FGFBP3: variants seen among roughly 807,000 people sequenced by gnomAD.
FGFBP3 encodes fibroblast growth factor binding protein 3.
Under a neutral mutation model 4.8 loss-of-function variants are expected in FGFBP3, and 4 were observed. The ratio of observed to expected loss-of-function variants is 0.83; its 90% CI spans 0.41 to 1.90. The LOEUF is 1.90. Among genes scored for constraint, FGFBP3 ranks in the 40% most tolerant of loss-of-function variants. The probability of loss-of-function intolerance (pLI) is 0.03; values close to 1 mark genes in which losing one functional copy is unlikely to be tolerated. For synonymous variants in FGFBP3, 215 were observed against 190.0 expected (o/e 1.13, Z -1.08); for missense variants, 429 against 397.4 (o/e 1.08, Z -0.68).
In FGFBP3 at chr10:91,908,247, G is replaced by A. The variant is rs777058494; in HGVS notation, c.723C>T (p.Cys241=). 7 of 1,606,624 alleles carry A rather than the reference G, an allele frequency of 4.4e-6. No individual in the cohort carries two copies. The highest frequency in any genetic ancestry group is 5.1e-6 in the Non-Finnish European group (6 of 1,176,638). Residue 241 remains cysteine, a synonymous_variant, in exon 2 of 2, where the codon TGC becomes TGT. Transcript: ENST00000311575. ...TGCAGAGGGAGTGCCACTTCTCAGC[G>A]CAGTAGGTCTCCGTGAGCTCCGCGT... The part of the protein sequence containing the change: ...DGNAELTETY[C]AEKWHSLCNF...
In FGFBP3 at chr10:91,908,613, C is replaced by T. The variant is rs1843319877; in HGVS notation, c.357G>A (p.Lys119=). 2.8e-6 allele frequency: 4 copies of T among 1,429,550 alleles called. No homozygotes were observed. Among genetic ancestry groups the T allele is most frequent in the South Asian group, 2.8e-5 (2 of 70,196 alleles). The allele number at this position is 1,429,550 out of a possible 1,614,324, so 88.6% of individuals were successfully genotyped here. A position where few individuals can be genotyped will look rare whatever the true frequency, so the allele number is the denominator to read the frequency against. The part of the protein sequence containing the change: ...FWKQVLGGLR[K]KRRPCHDPAP... ...CGGGGTCGTGACAGGGCCTCCGCTT[C>T]TTGCGCAGCCCTCCCAGCACCTGCT... The change falls in exon 2 of 2, where the codon AAG becomes AAA. Residue 119 remains lysine, a synonymous_variant. Transcript: ENST00000311575.
rs1490184375 is a variant in FGFBP3, at chr10:91,907,058, T to TA, written c.*1134dup. 6.6e-6 allele frequency: 1 copy of TA among 152,120 alleles called. No individual in the cohort carries two copies. The highest frequency in any genetic ancestry group is 2.4e-5 in the African/African-American group (1 of 41,424). The allele number at this position is 152,120 out of a possible 1,614,324, so 9.4% of individuals were successfully genotyped here. A position where few individuals can be genotyped will look rare whatever the true frequency, so the allele number is the denominator to read the frequency against. ...TCAAAATGACTCTGAGATACATACT[T>TA]ACATTTTAGCTGTTTAAAAAAAAAA... On this transcript the variant is annotated 3_prime_UTR_variant, in exon 2 of 2. Coordinates refer to ENST00000311575, the MANE Select transcript of FGFBP3 (RefSeq NM_152429.5).
rs1843311866 is a variant in FGFBP3 at position 91,907,989 on chromosome 10, T to A, written c.*204A>T. 9 of 574,464 alleles carry A rather than the reference T, an allele frequency of 1.6e-5. No individual in the cohort carries two copies. The East Asian group carries it at 3.1e-4, about 20-fold the overall frequency. The allele number at this position is 574,464 out of a possible 1,614,324, so 35.6% of individuals were successfully genotyped here. A position where few individuals can be genotyped will look rare whatever the true frequency, so the allele number is the denominator to read the frequency against. Reference sequence around the variant, plus strand: ...AATCAGGACTGAGACTTTTCAAAATTTTTAACTTCTCTGCTATCCCAGAGA... The same window carrying A: ...AATCAGGACTGAGACTTTTCAAAATATTTAACTTCTCTGCTATCCCAGAGA... On this transcript the variant is annotated 3_prime_UTR_variant, in exon 2 of 2. Transcript: ENST00000311575.
In FGFBP3 at chr10:91,907,277, G is replaced by A. The variant is rs973665890; in HGVS notation, c.*916C>T. 7 of 152,140 alleles carry A rather than the reference G, an allele frequency of 4.6e-5. No individual in the cohort carries two copies. Among genetic ancestry groups the A allele is most frequent in the Admixed American group, 6.5e-5 (1 of 15,274 alleles). 9.4% of individuals were successfully genotyped at this position (152,140 alleles called of 1,614,324 possible). Reference sequence around the variant, plus strand: ...GAGGATCACTTGAGACTGGAATGTCGAGGCCGCAGTGAGCCATAATTGCAC... The same window carrying A: ...GAGGATCACTTGAGACTGGAATGTCAAGGCCGCAGTGAGCCATAATTGCAC... On this transcript the variant is annotated 3_prime_UTR_variant, in exon 2 of 2. Transcript: ENST00000311575.
In FGFBP3 at chr10:91,907,872, A is replaced by T. The variant is rs1243326929; in HGVS notation, c.*321T>A. 2 of 293,024 alleles carry T rather than the reference A, an allele frequency of 6.8e-6. No homozygotes were observed. Among genetic ancestry groups the T allele is most frequent in the Non-Finnish European group, 1.3e-5 (2 of 159,688 alleles). The allele number at this position is 293,024 out of a possible 1,614,324, so 18.2% of individuals were successfully genotyped here. A position where few individuals can be genotyped will look rare whatever the true frequency, so the allele number is the denominator to read the frequency against. On this transcript the variant is annotated 3_prime_UTR_variant, in exon 2 of 2. Coordinates refer to ENST00000311575, the MANE Select transcript of FGFBP3 (RefSeq NM_152429.5). ...GTCACTCTATCTCCCCCTTATTCTC[A>T]GCCTCCCTCTGCATCGATTTCTCTC... is the stretch of plus-strand genomic sequence containing the variant.
intron 1 of FGFBP3, 165 bp from the exon 2 acceptor site, chr10:91,909,212 A>C: frequency 1.9e-6 from 1 of 513,142 alleles, no homozygotes. Context: ...CTAAATAATC[A>C]CTTTCGAACC....
chr10:91,907,934 A>C lies in FGFBP3; in HGVS notation c.*259T>G. 4 of 434,854 alleles carry C rather than the reference A, an allele frequency of 9.2e-6. No homozygotes were observed. Among genetic ancestry groups the C allele is most frequent in the East Asian group, 4.4e-5 (1 of 22,728 alleles). The allele number at this position is 434,854 out of a possible 1,614,324, so 26.9% of individuals were successfully genotyped here. On this transcript the variant is annotated 3_prime_UTR_variant, in exon 2 of 2. Transcript: ENST00000311575. ...GTTTTTGCACATTTAAAGTACGCCT[A>C]TTTCTGTTTCCATTATTTTTCCTGC...
Position 91,908,427 on chromosome 10 carries a change from G to C in FGFBP3, c.543C>G (p.Ser181=), listed in dbSNP as rs142767199. The C allele has an allele frequency of 6.6e-7, 1 of 1,507,910 alleles. No individual in the cohort carries two copies. The allele number at this position is 1,507,910 out of a possible 1,614,324, so 93.4% of individuals were successfully genotyped here. A position where few individuals can be genotyped will look rare whatever the true frequency, so the allele number is the denominator to read the frequency against. ...GAGGCGGGGTCCCAGCGGCTGGGCC[G>C]GACGCACGCTCCCGGGTCCGCCCCC... ...RNRGRTRERA[S]GPAAGTPPPQ... Residue 181 remains serine, a synonymous_variant, in exon 2 of 2, where the codon TCC becomes TCG. Transcript: ENST00000311575.
In FGFBP3 at chr10:91,909,444, ACTGCACGGGG is replaced by A; in HGVS notation, c.-135_-126del. The A allele has an allele frequency of 6.4e-6, 1 of 155,656 alleles. No homozygotes were observed. The allele number at this position is 155,656 out of a possible 1,614,324, so 9.6% of individuals were successfully genotyped here. A position where few individuals can be genotyped will look rare whatever the true frequency, so the allele number is the denominator to read the frequency against. ...AAGCCTTATTAGGGTAGAGGGAACG[ACTGCACGGGG>A]GAGTAGTCTGTTTTAGCCGGCTCCC... On this transcript the variant is annotated 5_prime_UTR_variant, in exon 1 of 2. Transcript: ENST00000311575.
At position 91,906,841 on chromosome 10, in the gene FGFBP3, T is replaced by G. The variant is rs916114614; in HGVS notation, c.*1352A>C. 1 of 152,228 alleles carries G rather than the reference T, an allele frequency of 6.6e-6. No homozygotes were observed. The highest frequency in any genetic ancestry group is 1.5e-5 in the Non-Finnish European group (1 of 68,036). The allele number at this position is 152,228 out of a possible 1,614,324, so 9.4% of individuals were successfully genotyped here. ...GCAATTCAAGATGTGTTTAAGAACT[T>G]AATTCAAGGTGTACTTGGAAGTAGA... On this transcript the variant is annotated 3_prime_UTR_variant, in exon 2 of 2. Transcript: ENST00000311575.
rs1293212279 is a variant in FGFBP3, at chr10:91,906,897, C to T, written c.*1296G>A. The T allele has an allele frequency of 1.3e-5, 2 of 152,168 alleles. No individual in the cohort carries two copies. The highest frequency in any genetic ancestry group is 3.8e-4 in the East Asian group (2 of 5,198). 9.4% of individuals were successfully genotyped at this position (152,168 alleles called of 1,614,324 possible). A position where few individuals can be genotyped will look rare whatever the true frequency, so the allele number is the denominator to read the frequency against. On this transcript the variant is annotated 3_prime_UTR_variant, in exon 2 of 2. Transcript: ENST00000311575. ...TGCAGGTAGAATTTCCATTGCCTTG[C>T]CACTTCTTTAAATCTAACCATACAG...
In FGFBP3 at chr10:91,908,457, C is replaced by T; in HGVS notation, c.513G>A (p.Arg171=). 6.9e-7 allele frequency: 1 copy of T among 1,455,662 alleles called. No individual in the cohort carries two copies. The highest frequency in any genetic ancestry group is 2.8e-5 in the East Asian group (1 of 36,122). 90.2% of individuals were successfully genotyped at this position (1,455,662 alleles called of 1,614,324 possible). Reference sequence around the variant, plus strand: ...CACGCTCCCGGGTCCGCCCCCGGTTCCGGGCCCGGGGCTTGGACTCCCCCG... The same window carrying T: ...CACGCTCCCGGGTCCGCCCCCGGTTTCGGGCCCGGGGCTTGGACTCCCCCG... The part of the protein sequence containing the change: ...GFAGESKPRA[R]NRGRTRERAS... The change falls in exon 2 of 2, where the codon CGG becomes CGA. Residue 171 remains arginine (R), a synonymous_variant. Transcript: ENST00000311575.
chr10:91,908,476 T>A lies in FGFBP3; in HGVS notation c.494A>T (p.Glu165Val), dbSNP rs1564642123. Residue 165 changes from glutamate (E) to valine (V), a missense_variant, in exon 2 of 2, where the codon GAG (glutamate) becomes GTG (valine). Transcript: ENST00000311575. Reference sequence around the variant, plus strand: ...CCGGTTCCGGGCCCGGGGCTTGGACTCCCCCGCGAATCCCGCGACGGTGGG... The same window carrying A: ...CCGGTTCCGGGCCCGGGGCTTGGACACCCCCGCGAATCCCGCGACGGTGGG... The part of the protein sequence containing the change: ...ARPTVAGFAG[E>V]SKPRARNRGR... 7.1e-7 allele frequency: 1 copy of A among 1,409,396 alleles called. No homozygotes were observed. 87.3% of individuals were successfully genotyped at this position (1,409,396 alleles called of 1,614,324 possible).
At position 91,908,881 on chromosome 10, in the gene FGFBP3, TTCTC is replaced by T; in HGVS notation, c.85_88del (p.Glu29LysfsTer118). The T allele has an allele frequency of 6.3e-7, 1 of 1,588,286 alleles. No individual in the cohort carries two copies. The highest frequency in any genetic ancestry group is 8.5e-7 in the Non-Finnish European group (1 of 1,172,262). ...CTCCGCCACGTTGCTAGCCGCCCCTTTCTCCCTCCGAGCAGCCGCGAGGAGGCAA... is the reference window on the plus strand; with the variant it reads ...CTCCGCCACGTTGCTAGCCGCCCCTTCCTCCGAGCAGCCGCGAGGAGGCAA... On this transcript the variant is annotated frameshift_variant, in exon 2 of 2. Coordinates refer to ENST00000311575, the MANE Select transcript of FGFBP3 (RefSeq NM_152429.5). LOFTEE classifies it low-confidence loss of function (END_TRUNC).
chr10:91,909,175 A>C, intron 1 of FGFBP3, 128 bp from the exon 2 acceptor site: 1 of 558,202 alleles, frequency 1.8e-6, no homozygotes, highest in Admixed American at 4.2e-5. Flanking sequence ...CCCTCTGAGG[A>C]GCTTTCCTGG....
In FGFBP3 at chr10:91,908,292, G is replaced by T. The variant is rs1242684427; in HGVS notation, c.678C>A (p.Asp226Glu). ...NEERPMGTGP[D>E]PDGLDGNAEL... is the part of the protein sequence containing the mutation. ...CCGCGTTCCCGTCCAGCCCGTCGGG[G>T]TCGGGCCCGGTCCCCATGGGTCGCT... is the stretch of plus-strand genomic sequence containing the variant. The change falls in exon 2 of 2, where the codon GAC becomes GAA. Residue 226 changes from aspartate to glutamate, a missense_variant. Physicochemically the swap from Asp to Glu is conservative, Grantham distance 45. Coordinates refer to ENST00000311575, the MANE Select transcript of FGFBP3 (RefSeq NM_152429.5). 6 of 1,603,002 alleles carry T rather than the reference G, an allele frequency of 3.7e-6. No individual in the cohort carries two copies.
chr10:91,909,041 C>G lies in FGFBP3; in HGVS notation c.-72G>C. The G allele has an allele frequency of 6.8e-7, 1 of 1,475,998 alleles. No homozygotes were observed. The highest frequency in any genetic ancestry group is 9.0e-7 in the Non-Finnish European group (1 of 1,111,770). 91.4% of individuals were successfully genotyped at this position (1,475,998 alleles called of 1,614,324 possible). On this transcript the variant is annotated 5_prime_UTR_variant, in exon 2 of 2. Transcript: ENST00000311575. ...GGCTGGACCAGGCAAAGAGCATTCC[C>G]CAGGACCTGCGGACAGAGGCAGAGA...
intron 1 of FGFBP3, 40 bp from the exon 2 acceptor site, chr10:91,909,087 C>G: frequency 2.6e-6 from 3 of 1,165,784 alleles, no homozygotes; most frequent in South Asian, 1.6e-5. Flanking sequence ...CTGAGCCACA[C>G]GCAGCGCTTC....
rs974380997 is a variant in FGFBP3, at chr10:91,908,578, T to C, written c.392A>G (p.Gln131Arg). The change falls in exon 2 of 2, where the codon CAG becomes CGG. Residue 131 changes from glutamine (Q) to arginine (R), a missense_variant. By Grantham distance (43) the Gln-to-Arg change is conservative (BLOSUM62 1). Coordinates refer to ENST00000311575, the MANE Select transcript of FGFBP3 (RefSeq NM_152429.5). Reference protein sequence around the residue: ...RRPCHDPAPLQARLCAGKKGH... With the variant: ...RRPCHDPAPLRARLCAGKKGH... ...CTTCTTGCCCGCGCACAAGCGGGCC[T>C]GGAGCGGCGCGGGGTCGTGACAGGG... 7.1e-5 allele frequency: 101 copies of C among 1,415,438 alleles called. 1 individual carries two copies. Among genetic ancestry groups the C allele is most frequent in the Non-Finnish European group, 9.1e-5 (99 of 1,091,960 alleles). 87.7% of individuals were successfully genotyped at this position (1,415,438 alleles called of 1,614,324 possible).
Sources: allele counts gnomAD v4.1 joint callset, GRCh38; gene constraint gnomAD v4.1.1; transcripts MANE v1.5; gene names NCBI Gene and HGNC (gene_info 2026-07-23, HGNC 2026-07-21).